The following CSGALNACT1 variants were observed in gnomAD, a reference collection of about 807,000 sequenced individuals.
The protein encoded by CSGALNACT1 is beta4GalNAcT-1.
Under a neutral mutation model 51.0 loss-of-function variants are expected in CSGALNACT1, and 52 were observed. The observed-to-expected ratio is 1.02, with a 90% CI of 0.82 to 1.29. The LOEUF (loss-of-function observed/expected upper bound fraction) is 1.29. Ranked by LOEUF, CSGALNACT1 falls within the 50% of genes most tolerant of loss-of-function variation. The pLI is 0.00. For missense variants in CSGALNACT1, 935 were observed against 679.2 expected (o/e 1.38, Z -4.19); for synonymous variants, 341 against 254.4 (o/e 1.34, Z -3.24).
chr8:19,728,297 A>G (rs1012543734), intron 1 of CSGALNACT1, among the ~76,000 whole-genome samples: 20 of 152,344 alleles, frequency 1.3e-4, no homozygotes, highest in African/African-American at 4.8e-4. Context: ...TTCCACAGCC[A>G]CGGTTTAACA....
chr8:19,566,575 G>C (rs914157120), intron 3 of CSGALNACT1, among the ~76,000 whole-genome samples: 1 of 152,078 alleles, frequency 6.6e-6, no homozygotes, highest in Non-Finnish European at 1.5e-5. Flanking sequence ...TACCAAAAAA[G>C]ATGTTTCCGT....
intron 2 of CSGALNACT1, among the ~76,000 whole-genome samples, chr8:19,594,442 G>C (rs531091910): frequency 1.3e-5 from 2 of 152,254 alleles, no homozygotes; most frequent in South Asian, 4.1e-4. Context: ...CAATAACATT[G>C]AGACTCAAAC....
chr8:19,631,820 T>G lies in CSGALNACT1; in HGVS notation c.-543-29955A>C, dbSNP rs190739232. Among the ~76,000 whole-genome samples, 7 of 152,344 alleles carry G rather than the reference T, an allele frequency of 4.6e-5. No homozygotes were observed. The East Asian group carries it at 1.3e-3, about 29-fold the overall frequency. On this transcript the variant is annotated intron_variant, in intron 1 of 9. Coordinates refer to the CSGALNACT1 transcript ENST00000332246. ...AAAGCTTCTCAGATTTAAACAAGTG[T>G]GCAGTCCTAAATTACTTTGTGCTAT...
intron 1 of CSGALNACT1, among the ~76,000 whole-genome samples, chr8:19,658,897 C>A (rs2058526204): frequency 6.6e-6 from 1 of 152,172 alleles, no homozygotes; most frequent in South Asian, 2.1e-4. Context: ...TCTGGTAAAT[C>A]TTTCTAAGTT....
At chr8:19,427,502 G>T (rs978622480) in intron 6 of CSGALNACT1, among the ~76,000 whole-genome samples, 1 of 152,104 alleles carries the variant, frequency 6.6e-6, no homozygotes, top group Non-Finnish European at 1.5e-5. Context: ...AAATTAGGGG[G>T]TGGCAGCCGG....
At chr8:19,668,719 T>A (rs183149859) in intron 1 of CSGALNACT1, among the ~76,000 whole-genome samples, 2 of 152,164 alleles carry the variant, frequency 1.3e-5, no homozygotes, top group African/African-American at 4.8e-5. Context: ...CATGCCTGGC[T>A]GATTTTTGGA....
At chr8:19,657,156 G>T (rs888151791) in intron 1 of CSGALNACT1, among the ~76,000 whole-genome samples, 15 of 150,862 alleles carry the variant, frequency 9.9e-5, no homozygotes, top group African/African-American at 3.4e-4. Flanking sequence ...ACTAGACACA[G>T]CTGAAGAGAC....
chr8:19,478,403 G>C (rs2070383508), intron 4 of CSGALNACT1, among the ~76,000 whole-genome samples: 1 of 118,206 alleles, frequency 8.5e-6, no homozygotes, highest in Non-Finnish European at 1.7e-5. Context: ...GACAGAGCGA[G>C]ACTCCGTCTC....
At chr8:19,439,846 G>C in exon 6 of CSGALNACT1, 1 of 1,613,788 alleles carries the variant, frequency 6.2e-7, no homozygotes, top group Non-Finnish European at 8.5e-7. Context: ...GTGTTTTCAA[G>C]TATTCCTTTG....
chr8:19,636,245 A>G (rs2056048137), intron 1 of CSGALNACT1, among the ~76,000 whole-genome samples: 1 of 152,210 alleles, frequency 6.6e-6, no homozygotes, highest in South Asian at 2.1e-4. Context: ...GTATATTGTT[A>G]TAACTATTCC....
intron 3 of CSGALNACT1, among the ~76,000 whole-genome samples, chr8:19,567,370 T>A (rs2042104101): frequency 1.3e-5 from 2 of 152,180 alleles, no homozygotes; most frequent in Non-Finnish European, 2.9e-5. Context: ...ATCCAAAATA[T>A]TATGTTAATG....
At chr8:19,708,530 A>G (rs2062316198) in intron 1 of CSGALNACT1, among the ~76,000 whole-genome samples, 1 of 152,238 alleles carries the variant, frequency 6.6e-6, no homozygotes, top group African/African-American at 2.4e-5. Flanking sequence ...CCAACTACTC[A>G]GCTACAAAAC....
chr8:19,604,042 T>G (rs1157193132), upstream of CSGALNACT1, among the ~76,000 whole-genome samples: 1 of 152,150 alleles, frequency 6.6e-6, no homozygotes, highest in East Asian at 1.9e-4. Flanking sequence ...CTTTTTCCAG[T>G]GAAGGTACTT....
intron 1 of CSGALNACT1, among the ~76,000 whole-genome samples, chr8:19,610,709 C>CT (rs1322338755): frequency 8.5e-5 from 13 of 152,226 alleles, no homozygotes; most frequent in Non-Finnish European, 1.3e-4. Context: ...CCACTTCTGA[C>CT]TTTCGCTGAG....
chr8:19,574,573 C>A (rs530374102), intron 3 of CSGALNACT1, among the ~76,000 whole-genome samples: 2 of 152,148 alleles, frequency 1.3e-5, no homozygotes, highest in Non-Finnish European at 2.9e-5. Context: ...TGGTGTGGAA[C>A]TGGCACTAAA....
chr8:19,643,572 A>C (rs1238833063), intron 1 of CSGALNACT1, among the ~76,000 whole-genome samples: 1 of 151,932 alleles, frequency 6.6e-6, no homozygotes, highest in Non-Finnish European at 1.5e-5. Flanking sequence ...TGGGACACAG[A>C]GGTTGCAGTA....
At chr8:19,408,497 T>TTTGA in intron 9 of CSGALNACT1, 116 bp downstream of exon 8, 1 of 268,108 alleles carries the variant, frequency 3.7e-6, no homozygotes, top group Non-Finnish European at 7.4e-6. Context: ...TTTTTTTTTT[T>TTTGA]GAAGGCAATG....
At chr8:19,475,277 G>C (rs2069257001) in intron 4 of CSGALNACT1, among the ~76,000 whole-genome samples, 1 of 152,178 alleles carries the variant, frequency 6.6e-6, no homozygotes, top group Non-Finnish European at 1.5e-5. Flanking sequence ...AATGCAGTAA[G>C]ACCTGAAGCT....
rs1425569638 is a variant in CSGALNACT1 at position 19,530,957 on chromosome 8, C to A, written c.-296-24827G>T. 2.0e-5 allele frequency among the ~76,000 whole-genome samples: 3 copies of A among 152,294 alleles called. No individual in the cohort carries two copies. In the East Asian group the frequency reaches 5.8e-4, roughly 29 times the overall value. On this transcript the variant is annotated intron_variant, in intron 3 of 9. Transcript: ENST00000454498. ...AACCTACAGGGGGTTCTCTGCCACT[C>A]CCCACAGAAACTGTCATCAGTCAAT...
Sources: allele counts gnomAD v4.1 joint callset (sites outside exome capture counted in the v4.1 genomes callset), GRCh38; gene constraint gnomAD v4.1.1; transcripts MANE v1.5; gene names NCBI Gene and HGNC (gene_info 2026-07-23, HGNC 2026-07-21).